MYH15: variants seen among roughly 807,000 people sequenced by gnomAD.
MYH15 encodes myosin-15.
Under a neutral mutation model 240.5 loss-of-function variants are expected in MYH15, and 227 were observed. That is an observed-to-expected ratio of 0.94 (90% CI 0.85 to 1.05). MYH15 has a LOEUF of 1.05. Ranked by LOEUF, MYH15 falls within the 50% of genes least tolerant of loss-of-function variation. The pLI, the probability that MYH15 is intolerant of heterozygous loss-of-function variation, is 0.00. For synonymous variants in MYH15, 785 were observed against 796.7 expected (o/e 0.99, Z 0.25); for missense variants, 2,217 against 2,247.5 (o/e 0.99, Z 0.27).
rs568237481 is a variant in MYH15 at position 108,413,151 on chromosome 3, AG to A, written c.4145+1080del. Among the ~76,000 whole-genome samples, 173 of 152,346 alleles carry A rather than the reference AG, an allele frequency of 1.1e-3. No homozygotes were observed. The Middle Eastern group carries it at 0.02, about 18-fold the overall frequency. ...TCACCTGAATTCTTCAATCATTAGA[AG>A]GGGGAAAAATCTTACTTCAGAAGTA... On this transcript the variant is annotated intron_variant, in intron 30 of 40. Coordinates refer to ENST00000693548, the MANE Select transcript of MYH15 (RefSeq NM_014981.3).
At chr3:108,451,328 C>T (rs1016351007) in intron 21 of MYH15, among the ~76,000 whole-genome samples, 4 of 151,864 alleles carry the variant, frequency 2.6e-5, no homozygotes, top group Non-Finnish European at 4.4e-5. Context: ...TGCAGTGACC[C>T]GATATCATGC....
chr3:108,517,211 G>A (rs555830340), intron 1 of MYH15, among the ~76,000 whole-genome samples: 8 of 152,198 alleles, frequency 5.3e-5, no homozygotes, highest in East Asian at 1.9e-4. Flanking sequence ...ATCTCCCAGC[G>A]TTTGCTGGCT....
In MYH15 at chr3:108,432,944, T is replaced by C. The variant is rs2082792103; in HGVS notation, c.3222-2022A>G. ...GTGGGGTCAGGGCTCCCACACAGAG[T>C]CCCTGCTGGGGCACTGCCTAGTGGA... On this transcript the variant is annotated intron_variant, in intron 25 of 40. Coordinates refer to ENST00000693548, the MANE Select transcript of MYH15 (RefSeq NM_014981.3). 2.6e-5 allele frequency among the ~76,000 whole-genome samples: 4 copies of C among 151,904 alleles called. No homozygotes were observed. The South Asian group carries it at 8.3e-4, about 32-fold the overall frequency.
intron 21 of MYH15, 55 bp from the exon 22 acceptor site, chr3:108,444,950 G>T (rs1157734222): frequency 6.6e-7 from 1 of 1,518,974 alleles, no homozygotes; most frequent in Non-Finnish European, 8.8e-7. Context: ...AGGAGAATTA[G>T]TTCCCAAATT....
At chr3:108,430,999 C>T in intron 25 of MYH15, 77 bp from the exon 26 acceptor site, 2 of 969,584 alleles carry the variant, frequency 2.1e-6, no homozygotes, top group Non-Finnish European at 3.2e-6. Flanking sequence ...TTGTAATATT[C>T]CTAACACAAA....
At chr3:108,435,008 C>A (rs1451498321) in intron 25 of MYH15, among the ~76,000 whole-genome samples, 2 of 152,192 alleles carry the variant, frequency 1.3e-5, no homozygotes, top group African/African-American at 2.4e-5. Context: ...GGCCAGTAAA[C>A]CAAATGGACC....
At chr3:108,473,869 T>C (rs2083197217) in intron 12 of MYH15, among the ~76,000 whole-genome samples, 1 of 152,212 alleles carries the variant, frequency 6.6e-6, no homozygotes, top group African/African-American at 2.4e-5. Context: ...TGGCATTTTC[T>C]GGTTGTCACA....
At chr3:108,393,982 G>A (rs763753746) in intron 36 of MYH15, 49 bp downstream of exon 36, 9 of 1,611,490 alleles carry the variant, frequency 5.6e-6, no homozygotes, top group Admixed American at 3.3e-5. Flanking sequence ...TGGCCACTGC[G>A]CCAGTGAACT....
intron 25 of MYH15, among the ~76,000 whole-genome samples, chr3:108,434,738 T>G (rs2082816972): frequency 6.6e-6 from 1 of 152,176 alleles, no homozygotes; most frequent in Non-Finnish European, 1.5e-5. Context: ...TCATGCCCCT[T>G]GTATACATGA....
intron 19 of MYH15, 29 bp from the exon 20 acceptor site, chr3:108,455,888 G>T: frequency 6.3e-7 from 1 of 1,593,622 alleles, no homozygotes; most frequent in Non-Finnish European, 8.6e-7. Context: ...AAAATCATGA[G>T]TTTGGGAAAT....
At chr3:108,465,863 G>T (rs1397333667) in intron 14 of MYH15, among the ~76,000 whole-genome samples, 1 of 152,150 alleles carries the variant, frequency 6.6e-6, no homozygotes, top group South Asian at 2.1e-4. Context: ...GGAGGCACAG[G>T]TTGCAGTGAG....
chr3:108,523,550 A>T (rs1378966767), intron 1 of MYH15, among the ~76,000 whole-genome samples: 1 of 151,996 alleles, frequency 6.6e-6, no homozygotes, highest in East Asian at 1.9e-4. Flanking sequence ...TTAATTTTAC[A>T]TATCAAGAAG....
chr3:108,497,412 C>T (rs1314147572), intron 6 of MYH15, among the ~76,000 whole-genome samples: 2 of 151,926 alleles, frequency 1.3e-5, no homozygotes, highest in African/African-American at 4.8e-5. Context: ...TTTTGAGTTC[C>T]ATTCAGCATT....
chr3:108,519,016 G>C (rs140199961), intron 1 of MYH15, among the ~76,000 whole-genome samples: 98 of 152,278 alleles, frequency 6.4e-4, no homozygotes, highest in African/African-American at 2.3e-3. Flanking sequence ...CCAACAAATA[G>C]AGCAGACCCA....
At position 108,463,108 on chromosome 3, in the gene MYH15, C is replaced by T; in HGVS notation, c.1864+3G>A. Reference sequence around the variant, plus strand: ...AAAAATCAAGGAAGATTGTATGACTCACCACTGTCAGTACTCATGTAATTT... The same window carrying T: ...AAAAATCAAGGAAGATTGTATGACTTACCACTGTCAGTACTCATGTAATTT... On this transcript the variant is annotated splice_donor_region_variant and intron_variant, in intron 16 of 40. Coordinates refer to ENST00000693548, the MANE Select transcript of MYH15 (RefSeq NM_014981.3). 3 of 1,597,832 alleles carry T rather than the reference C, an allele frequency of 1.9e-6. No individual in the cohort carries two copies. The highest frequency in any genetic ancestry group is 2.6e-6 in the Non-Finnish European group (3 of 1,175,498).
rs113001285 is a variant in MYH15, at chr3:108,471,021, G to A, written c.1234-174C>T. ...AAGGAAGAAAAGAAAGAGAGAGAGA[G>A]AGAAAAAGAAAGAAAGAAAGAAAAG... On this transcript the variant is annotated intron_variant, in intron 12 of 40. Transcript: ENST00000693548. Among the ~76,000 whole-genome samples the A allele has an allele frequency of 3.4e-3, 407 of 120,022 alleles. 5 individuals are homozygous for A. Among genetic ancestry groups the A allele is most frequent in the African/African-American group, 0.013 (393 of 30,730 alleles). 78.7% of individuals were successfully genotyped at this position (120,022 alleles called of 152,430 possible). A position where few individuals can be genotyped will look rare whatever the true frequency, so the allele number is the denominator to read the frequency against.
At chr3:108,502,135 T>G (rs953339161) in intron 2 of MYH15, among the ~76,000 whole-genome samples, 4 of 152,162 alleles carry the variant, frequency 2.6e-5, no homozygotes, top group Non-Finnish European at 4.4e-5. Flanking sequence ...TAGCCCTGAT[T>G]CCCTCTAAGA....
intron 16 of MYH15, chr3:108,461,867 A>G (rs988107053): frequency 6.6e-6 from 1 of 152,120 alleles, no homozygotes; most frequent in Non-Finnish European, 1.5e-5. Context: ...CGAGAGAACC[A>G]ATCAGCCTGA....
At chr3:108,501,204 T>G (rs568477187) in intron 3 of MYH15, among the ~76,000 whole-genome samples, 1 of 152,324 alleles carries the variant, frequency 6.6e-6, no homozygotes, top group Admixed American at 6.5e-5. Flanking sequence ...TAGCTTAATC[T>G]ACTCAGCACT....
Sources: allele counts gnomAD v4.1 joint callset (sites outside exome capture counted in the v4.1 genomes callset), GRCh38; gene constraint gnomAD v4.1.1; transcripts MANE v1.5; gene names NCBI Gene and HGNC (gene_info 2026-07-23, HGNC 2026-07-21).